Variants in SACS observed in about 807,000 individuals in gnomAD.
SACS encodes sacsin.
SACS carries 197 observed loss-of-function variants against 348.0 expected under a neutral mutation model. The observed-to-expected ratio is 0.57, with a 90% CI of 0.50 to 0.64. The LOEUF (loss-of-function observed/expected upper bound fraction) is 0.64. SACS is among the 30% of genes least tolerant of loss of function. The pLI is 0.00. For missense variants in SACS, 4,999 were observed against 5,360.8 expected (o/e 0.93, Z 2.11); for synonymous variants, 1,985 against 1,910.6 (o/e 1.04, Z -1.02).
intron 2 of SACS, among the ~76,000 whole-genome samples, chr13:23,382,311 G>T (rs1872090014): frequency 6.6e-6 from 1 of 152,016 alleles, no homozygotes; most frequent in Non-Finnish European, 1.5e-5. Context: ...CCAACACCAT[G>T]CCTGGCTAAT....
chr13:23,376,912 T>A (rs1358436597), intron 2 of SACS, among the ~76,000 whole-genome samples: 1 of 152,140 alleles, frequency 6.6e-6, no homozygotes, highest in African/African-American at 2.4e-5. Context: ...ATAAGCTGGG[T>A]GTGGTGGCAC....
At chr13:23,349,362 A>ATT (rs1869812617) in intron 9 of SACS, among the ~76,000 whole-genome samples, 1 of 152,212 alleles carries the variant, frequency 6.6e-6, no homozygotes. Flanking sequence ...ATCACTCAAA[A>ATT]TGAGAAACAG....
Position 23,355,258 on chromosome 13 carries a change from G to T in SACS, c.1354C>A (p.Pro452Thr), listed in dbSNP as rs1264613496. 1.2e-6 allele frequency: 2 copies of T among 1,614,080 alleles called. No individual in the cohort carries two copies. The highest frequency in any genetic ancestry group is 1.7e-6 in the Non-Finnish European group (2 of 1,180,048). ...AGGCCTGTGCTGCTTTCCTCACCAGGTGGTAAAGGAAGGAAACAAAATGCT... is the reference window on the plus strand; with the variant it reads ...AGGCCTGTGCTGCTTTCCTCACCAGTTGGTAAAGGAAGGAAACAAAATGCT... ...GKAFCFLPLPPGEESSTGLPV... is the reference protein window; with the variant it reads ...GKAFCFLPLPTGEESSTGLPV... Residue 452 changes from proline (P) to threonine (T), a missense_variant, in exon 8 of 10, where the codon CCT becomes ACT. By Grantham distance (38) the Pro-to-Thr change is conservative. This residue lies in a region of SACS where 3,156 missense variants were observed against 3,380.1 expected (regional missense o/e 0.93). Transcript: ENST00000382292.
At chr13:23,388,527 C>G (rs1872399444) in intron 2 of SACS, among the ~76,000 whole-genome samples, 1 of 145,836 alleles carries the variant, frequency 6.9e-6, no homozygotes, top group African/African-American at 2.5e-5. Context: ...ATACCACAGG[C>G]TACTACTCAG....
chr13:23,403,322 G>C (rs770580817), intron 2 of SACS, among the ~76,000 whole-genome samples: 3 of 152,186 alleles, frequency 2.0e-5, no homozygotes, highest in African/African-American at 4.8e-5. Flanking sequence ...GTTCGGAATA[G>C]TTTCAGAAGC....
Position 23,330,402 on chromosome 13 carries a change from C to T in SACS, c.13474G>A (p.Val4492Met), listed in dbSNP as rs774647600. Reference sequence around the variant, plus strand: ...ACATCTTTATCAGACTTTCCCCTCACAGCATAGTCAGCTGCAATCAAAGCT... The same window carrying T: ...ACATCTTTATCAGACTTTCCCCTCATAGCATAGTCAGCTGCAATCAAAGCT... Reference protein sequence around the residue: ...KLALIAADYAVRGKSDKDVKP... With the variant: ...KLALIAADYAMRGKSDKDVKP... The change falls in exon 10 of 10, where the codon GTG becomes ATG. Residue 4492 changes from valine (V) to methionine (M), a missense_variant. By Grantham distance (21) the Val-to-Met change is conservative (BLOSUM62 1). Around this residue, in one of 6 missense-constraint regions of SACS, gnomAD observed 254 missense variants for 275.1 expected, o/e 0.92. Coordinates refer to ENST00000382292, the MANE Select transcript of SACS (RefSeq NM_014363.6). The T allele has an allele frequency of 1.9e-6, 3 of 1,614,222 alleles. No homozygotes were observed. Among genetic ancestry groups the T allele is most frequent in the Non-Finnish European group, 2.5e-6 (3 of 1,180,024 alleles).
At chr13:23,419,441 C>G (rs1361376147) in intron 1 of SACS, 1 of 152,212 alleles carries the variant, frequency 6.6e-6, no homozygotes, top group African/African-American at 2.4e-5. Context: ...CTAGGAGAGG[C>G]CTGCAGTTCA....
rs1015061855 is a variant in SACS, at chr13:23,337,717, C to G, written c.6159G>C (p.Glu2053Asp). ...KQILLENTFS[E>D]KQFFSEVFFP... The stretch of plus-strand genomic sequence containing the variant: ...AAAACACTTCAGAAAAAAACTGTTT[C>G]TCTGAAAATGTGTTTTCAAGTAGTA... The change falls in exon 10 of 10, where the codon GAG becomes GAC. Residue 2053 changes from glutamate (E) to aspartate (D), a missense_variant. Around this residue, in one of 6 missense-constraint regions of SACS, gnomAD observed 3,156 missense variants for 3,380.1 expected, o/e 0.93. Transcript: ENST00000382292. The G allele has an allele frequency of 6.2e-7, 1 of 1,613,000 alleles. No individual in the cohort carries two copies. Among genetic ancestry groups the G allele is most frequent in the Non-Finnish European group, 8.5e-7 (1 of 1,179,788 alleles).
chr13:23,406,117 A>T (rs929297604), intron 2 of SACS, among the ~76,000 whole-genome samples: 1 of 152,228 alleles, frequency 6.6e-6, no homozygotes, highest in Non-Finnish European at 1.5e-5. Context: ...AATAGCAAAG[A>T]TTGGAACCAA....
Position 23,337,817 on chromosome 13 carries a change from C to T in SACS, c.6059G>A (p.Gly2020Glu), listed in dbSNP as rs747566710. ...TTCAACAGCACAAAGGTTTTTGGACCCAGTCTTCTTGAGGTATTTCAAAAA... is the reference window on the plus strand; with the variant it reads ...TTCAACAGCACAAAGGTTTTTGGACTCAGTCTTCTTGAGGTATTTCAAAAA... ...KIFLKYLKKT[G>E]SKNLCAVELP... Residue 2020 changes from glycine (G) to glutamate (E), a missense_variant, in exon 10 of 10, where the codon GGG (glycine) becomes GAG (glutamate). Coordinates refer to ENST00000382292, the MANE Select transcript of SACS (RefSeq NM_014363.6). 57 of 1,613,708 alleles carry T rather than the reference C, an allele frequency of 3.5e-5. No individual in the cohort carries two copies. The highest frequency in any genetic ancestry group is 4.4e-5 in the Non-Finnish European group (52 of 1,179,950).
rs752299286 is a variant in SACS at position 23,333,645 on chromosome 13, G to T, written c.10231C>A (p.Pro3411Thr). The part of the protein sequence containing the change: ...QDDIKILKSL[P>T]CYKSISGRYV... ...CGGCCACTGATGGATTTATAGCACGGAAGTGACTTTAGAATTTTTATATCA... is the reference window on the plus strand; with the variant it reads ...CGGCCACTGATGGATTTATAGCACGTAAGTGACTTTAGAATTTTTATATCA... Residue 3411 changes from proline to threonine, a missense_variant, in exon 10 of 10, where the codon CCG becomes ACG. Around this residue, in one of 6 missense-constraint regions of SACS, gnomAD observed 734 missense variants for 694.0 expected, o/e 1.06. Coordinates refer to ENST00000382292, the MANE Select transcript of SACS (RefSeq NM_014363.6). 11 of 1,613,664 alleles carry T rather than the reference G, an allele frequency of 6.8e-6. No homozygotes were observed. The highest frequency in any genetic ancestry group is 1.7e-6 in the Non-Finnish European group (2 of 1,179,788).
At chr13:23,414,952 T>A (rs562176722) in intron 1 of SACS, among the ~76,000 whole-genome samples, 2 of 152,332 alleles carry the variant, frequency 1.3e-5, no homozygotes, top group Non-Finnish European at 2.9e-5. Flanking sequence ...GTCTCAGAGA[T>A]CACTGTGTCC....
At chr13:23,412,136 G>C (rs1439493629) in intron 1 of SACS, among the ~76,000 whole-genome samples, 1 of 152,104 alleles carries the variant, frequency 6.6e-6, no homozygotes, top group East Asian at 1.9e-4. Context: ...GCGGGCGCCT[G>C]TAGTCCCAGC....
In SACS at chr13:23,340,777, C is replaced by A; in HGVS notation, c.3099G>T (p.Trp1033Cys). 1.2e-6 allele frequency: 2 copies of A among 1,606,850 alleles called. No homozygotes were observed. The highest frequency in any genetic ancestry group is 2.2e-5 in the South Asian group (2 of 89,592). ...TCTGGATGAATTTTAATGGTGTTAA[C>A]CACTCAAGCACATTTGGATTCTCAT... ...LKNENPNVLE[W>C]LTPLKFIQIS... The change falls in exon 10 of 10, where the codon TGG (tryptophan) becomes TGT (cysteine). Residue 1033 changes from tryptophan to cysteine, a missense_variant. Trp to Cys is a radical substitution (Grantham distance 215, BLOSUM62 -2). Transcript: ENST00000382292.
At chr13:23,359,903 T>C (rs1026822115) in intron 6 of SACS, among the ~76,000 whole-genome samples, 12 of 152,142 alleles carry the variant, frequency 7.9e-5, no homozygotes, top group Non-Finnish European at 1.5e-4. Flanking sequence ...TGACCCAGTT[T>C]GTTTTACAAA....
rs1883375109 is a variant in SACS, at chr13:23,330,146, T to G, written c.13730A>C (p.Gln4577Pro). 2 of 1,613,646 alleles carry G rather than the reference T, an allele frequency of 1.2e-6. No individual in the cohort carries two copies. Among genetic ancestry groups the G allele is most frequent in the Non-Finnish European group, 1.7e-6 (2 of 1,179,744 alleles). The change falls in exon 10 of 10, where the codon CAA becomes CCA. Residue 4577 changes from glutamine (Q) to proline (P), a missense_variant. Transcript: ENST00000382292. ...IIIKLENFMQ[Q>P]KV is the part of the protein sequence containing the mutation. ...TTTCGTTAAATATCTTCACACTTTT[T>G]GTTGCATAAAATTTTCAAGTTTTAT...
intron 1 of SACS, among the ~76,000 whole-genome samples, chr13:23,430,785 T>G (rs2138028742): frequency 6.6e-6 from 1 of 152,310 alleles, no homozygotes; most frequent in East Asian, 1.9e-4. Flanking sequence ...AAACTCATGG[T>G]GTAATCTCGA....
chr13:23,335,990 A>G lies in SACS; in HGVS notation c.7886T>C (p.Val2629Ala). ...TGQYGIGFNS[V>A]YHITDCPSFI... is the part of the protein sequence containing the mutation. ...AGATGGGCAGTCTGTGATATGATAC[A>G]CAGAATTGAATCCTATTCCATACTG... The change falls in exon 10 of 10, where the codon GTG becomes GCG. Residue 2629 changes from valine (V) to alanine (A), a missense_variant. Transcript: ENST00000382292. The surrounding 1 kb of genome is among the most constrained non-coding windows in gnomAD (Gnocchi z 4.7). 6.2e-7 allele frequency: 1 copy of G among 1,613,052 alleles called. No homozygotes were observed. Among genetic ancestry groups the G allele is most frequent in the Non-Finnish European group, 8.5e-7 (1 of 1,179,082 alleles).
chr13:23,335,378 GATACTTTCTCC>G lies in SACS; in HGVS notation c.8487_8497del (p.Met2829IlefsTer2). 6.2e-7 allele frequency: 1 copy of G among 1,613,908 alleles called. No individual in the cohort carries two copies. The highest frequency in any genetic ancestry group is 8.5e-7 in the Non-Finnish European group (1 of 1,179,866). ...CTTGTGAGCTGATATGACACTTTTAGATACTTTCTCCATACTTGAAAAGCCTGATCTATTAC... is the reference window on the plus strand; with the variant it reads ...CTTGTGAGCTGATATGACACTTTTAGATACTTGAAAAGCCTGATCTATTAC... On this transcript the variant is annotated frameshift_variant, in exon 10 of 10. Transcript: ENST00000382292. LOFTEE classifies it high-confidence loss of function. The surrounding 1 kb of genome is among the most constrained non-coding windows in gnomAD (Gnocchi z 4.7).
Sources: gnomAD v4.1 joint callset for allele counts (sites outside exome capture counted in the v4.1 genomes callset) on GRCh38, gnomAD v4.1.1 for gene constraint, gnomAD v4.1.1 regional missense constraint, Gnocchi (gnomAD v3.1) non-coding constraint, MANE v1.5 for transcripts, NCBI Gene and HGNC (gene_info 2026-07-23, HGNC 2026-07-21) for gene names.